The following RNF38 variants were observed in gnomAD, a reference collection of about 807,000 sequenced individuals.
The protein encoded by RNF38 is E3 ubiquitin-protein ligase RNF38.
RNF38 carries 15 observed loss-of-function variants against 67.2 expected under a neutral mutation model. That is an observed-to-expected ratio of 0.22 (90% CI 0.15 to 0.34). RNF38 has a LOEUF of 0.34. RNF38 is among the 10% of genes least tolerant of loss of function. The probability of loss-of-function intolerance (pLI) is 1.00; values close to 1 mark genes in which losing one functional copy is unlikely to be tolerated. For synonymous variants in RNF38, 220 were observed against 218.8 expected, an observed-to-expected ratio of 1.01 and a Z score of -0.05; for missense variants, 524 against 639.9, an observed-to-expected ratio of 0.82 and a Z score of 1.95.
upstream of RNF38, among the ~76,000 whole-genome samples, chr9:36,403,785 A>T (rs1838116599): frequency 6.6e-6 from 1 of 152,216 alleles, no homozygotes; most frequent in South Asian, 2.1e-4. Context: ...TTTAGAACTG[A>T]TCACCTAGTG....
chr9:36,372,926 C>A (rs1404886594), intron 3 of RNF38, among the ~76,000 whole-genome samples: 3 of 152,120 alleles, frequency 2.0e-5, no homozygotes, highest in Non-Finnish European at 4.4e-5. Flanking sequence ...ATACTAAGAG[C>A]CGGGTGCAGT....
At chr9:36,469,229 T>C (rs946338803) in intron 1 of RNF38, among the ~76,000 whole-genome samples, 8 of 152,214 alleles carry the variant, frequency 5.3e-5, no homozygotes, top group African/African-American at 1.9e-4. Flanking sequence ...TGGCCCTTTC[T>C]ATATAGAGAG....
chr9:36,418,679 A>T (rs1162710411), intron 2 of RNF38, among the ~76,000 whole-genome samples: 2 of 152,056 alleles, frequency 1.3e-5, no homozygotes. Flanking sequence ...CCAGCAACTC[A>T]GGAGGCTGAG....
At chr9:36,397,574 T>C (rs978988773) in intron 1 of RNF38, among the ~76,000 whole-genome samples, 3 of 152,108 alleles carry the variant, frequency 2.0e-5, no homozygotes, top group Non-Finnish European at 4.4e-5. Flanking sequence ...AGGACCCATC[T>C]CTTTCTGAGA....
At position 36,363,500 on chromosome 9, in the gene RNF38, T is replaced by G. The variant is rs964087946; in HGVS notation, c.571-5558A>C. ...GGCCCTCAAAATGTCATGTTTTCAT[T>G]TGGTCACCCAACTGTCCCAGAACCA... On this transcript the variant is annotated intron_variant, in intron 4 of 11. Transcript: ENST00000259605. Among the ~76,000 whole-genome samples, 9 of 100,832 alleles carry G rather than the reference T, an allele frequency of 8.9e-5. 1 individual carries two copies. The highest frequency in any genetic ancestry group is 2.7e-4 in the African/African-American group (9 of 33,608). The allele number at this position is 100,832 out of a possible 152,430, so 66.1% of individuals were successfully genotyped here.
intron 3 of RNF38, among the ~76,000 whole-genome samples, chr9:36,370,801 G>C (rs1174071852): frequency 6.6e-6 from 1 of 151,904 alleles, no homozygotes; most frequent in Admixed American, 6.6e-5. Context: ...CCAGCTACCT[G>C]GGAGGCTGAA....
At chr9:36,385,825 C>T (rs1023241936) in intron 2 of RNF38, among the ~76,000 whole-genome samples, 1 of 152,154 alleles carries the variant, frequency 6.6e-6, no homozygotes, top group East Asian at 1.9e-4. Flanking sequence ...CTTGGCACGT[C>T]GCACAACCAA....
At chr9:36,375,749 T>G (rs1448511081) in intron 3 of RNF38, among the ~76,000 whole-genome samples, 185 bp downstream of exon 3, 2 of 152,232 alleles carry the variant, frequency 1.3e-5, no homozygotes, top group African/African-American at 4.8e-5. Flanking sequence ...CTGTCAATGA[T>G]AAGCTAAATA....
chr9:36,362,018 T>C (rs141866180), intron 4 of RNF38, among the ~76,000 whole-genome samples: 1 of 152,226 alleles, frequency 6.6e-6, no homozygotes, highest in Non-Finnish European at 1.5e-5. Flanking sequence ...GAAGCATCCA[T>C]CCCAAATTCA....
intron 1 of RNF38, among the ~76,000 whole-genome samples, chr9:36,457,506 T>C (rs1839621589): frequency 6.6e-6 from 1 of 152,196 alleles, no homozygotes; most frequent in Non-Finnish European, 1.5e-5. Flanking sequence ...TTTACTTAAA[T>C]AGTTAAAAAG....
chr9:36,421,034 A>C (rs1035757368), intron 2 of RNF38, among the ~76,000 whole-genome samples: 8 of 152,218 alleles, frequency 5.3e-5, no homozygotes, highest in African/African-American at 1.4e-4. Context: ...GAGGATGTCC[A>C]ACAAATAAAT....
chr9:36,393,552 C>A (rs1422464370), intron 1 of RNF38, among the ~76,000 whole-genome samples: 1 of 145,828 alleles, frequency 6.9e-6, no homozygotes, highest in Admixed American at 6.9e-5. Context: ...ATAGGTTGCC[C>A]AAGATTACCT....
rs548701899 is a variant in RNF38, at chr9:36,370,247, T to C, written c.357-315A>G. Among the ~76,000 whole-genome samples the C allele has an allele frequency of 2.4e-4, 37 of 152,328 alleles. No homozygotes were observed. In the East Asian group the frequency reaches 6.7e-3, roughly 28 times the overall value. ...ATAGTCTAATAGCAACAATTTCATA[T>C]AATTTAACCTACCATTTTCTCCCTT... On this transcript the variant is annotated intron_variant, in intron 3 of 11. Transcript: ENST00000259605.
In RNF38 at chr9:36,360,504, C is replaced by T. The variant is rs140166923; in HGVS notation, c.571-2562G>A. ...CATTATACTTACCAATTTGGCATCT[C>T]TAATCCCAAAATCTGAAATCCAAAA... On this transcript the variant is annotated intron_variant, in intron 4 of 11. Coordinates refer to ENST00000259605, the MANE Select transcript of RNF38 (RefSeq NM_022781.5). Among the ~76,000 whole-genome samples the T allele has an allele frequency of 7.9e-3, 1,196 of 152,284 alleles. 18 individuals carry two copies. The highest frequency in any genetic ancestry group is 0.062 in the South Asian group (300 of 4,820).
chr9:36,377,097 T>C (rs1160869344), intron 2 of RNF38, among the ~76,000 whole-genome samples: 1 of 152,214 alleles, frequency 6.6e-6, no homozygotes, highest in Non-Finnish European at 1.5e-5. Flanking sequence ...AAAACTGATA[T>C]GGATCACTTA....
At chr9:36,353,102 TAA>T in intron 7 of RNF38, 66 bp downstream of exon 7, 1 of 1,353,236 alleles carries the variant, frequency 7.4e-7, no homozygotes, top group Non-Finnish European at 1.1e-6. Flanking sequence ...TGAATTATAC[TAA>T]AACATAACTC....
At chr9:36,379,786 G>A (rs2133896345) in intron 2 of RNF38, among the ~76,000 whole-genome samples, 1 of 152,206 alleles carries the variant, frequency 6.6e-6, no homozygotes, top group Non-Finnish European at 1.5e-5. Context: ...ATATGACTGA[G>A]AACTTGGAAG....
At chr9:36,453,446 G>A (rs1313458367) in intron 1 of RNF38, among the ~76,000 whole-genome samples, 2 of 150,520 alleles carry the variant, frequency 1.3e-5, no homozygotes, top group African/African-American at 2.5e-5. Flanking sequence ...GCAATGGTGC[G>A]ATCTCAGATC....
rs1342817756 is a variant in RNF38 at position 36,342,259 on chromosome 9, CTCTAA to C, written c.1485+61_1485+65del. 9 of 1,136,944 alleles carry C rather than the reference CTCTAA, an allele frequency of 7.9e-6. No homozygotes were observed. The Admixed American group carries it at 1.6e-4, about 20-fold the overall frequency. The allele number at this position is 1,136,944 out of a possible 1,614,324, so 70.4% of individuals were successfully genotyped here. A position where few individuals can be genotyped will look rare whatever the true frequency, so the allele number is the denominator to read the frequency against. ...TCCTGTCCACTGAGCTATGAACTTA[CTCTAA>C]TCCATGGTCAATAAAATAGAAAATT... On this transcript the variant is annotated intron_variant, in intron 11 of 11. Transcript: ENST00000259605.
Sources: gnomAD v4.1 joint callset for allele counts (sites outside exome capture counted in the v4.1 genomes callset) on GRCh38, gnomAD v4.1.1 for gene constraint, MANE v1.5 for transcripts, NCBI Gene and HGNC (gene_info 2026-07-23, HGNC 2026-07-21) for gene names.